The following ATR variants were observed in gnomAD, a reference collection of about 807,000 sequenced individuals.
ATR encodes the protein ATR checkpoint kinase.
In ATR, 142 loss-of-function variants were observed where a neutral mutation model predicts 305.3. The observed-to-expected ratio is 0.47, with a 90% confidence interval of 0.41 to 0.53. The LOEUF (loss-of-function observed/expected upper bound fraction) is 0.53, where lower values mean the gene tolerates loss of function less well. Among genes scored for constraint, ATR ranks in the 20% least tolerant of loss-of-function variants. The pLI is 0.00. For synonymous variants in ATR, 1,050 were observed against 1,068.1 expected (o/e 0.98, Z 0.33); for missense variants, 2,135 against 3,133.1 (o/e 0.68, Z 7.60).
chr3:142,555,762 C>A (rs1433032693), intron 10 of ATR, 115 bp downstream of exon 10: 1 of 1,282,830 alleles, frequency 7.8e-7, no homozygotes, highest in African/African-American at 1.5e-5. Flanking sequence ...AGCACTGAAT[C>A]TATAAAGCAT....
rs2034774801 is a variant in ATR at position 142,558,756 on chromosome 3, G to A, written c.1753C>T (p.His585Tyr). The A allele has an allele frequency of 6.2e-7, 1 of 1,609,088 alleles. No individual in the cohort carries two copies. The highest frequency in any genetic ancestry group is 8.5e-7 in the Non-Finnish European group (1 of 1,176,638). The change falls in exon 8 of 47, where the codon CAT (histidine) becomes TAT (tyrosine). Residue 585 changes from histidine (H) to tyrosine (Y), a missense_variant. By Grantham distance (83) the His-to-Tyr change is moderately conservative (BLOSUM62 2). Coordinates refer to ENST00000350721, the MANE Select transcript of ATR (RefSeq NM_001184.4). Reference protein sequence around the residue: ...YMQVNSSFEDHILEDLCGMLS... With the variant: ...YMQVNSSFEDYILEDLCGMLS... The stretch of plus-strand genomic sequence containing the variant: ...ATACCACATAAATCTTCCAGGATAT[G>A]ATCTTCAAATGAACTGTTTACTACA...
At chr3:142,481,867 G>T (rs1308729439) in intron 36 of ATR, among the ~76,000 whole-genome samples, 1 of 151,428 alleles carries the variant, frequency 6.6e-6, no homozygotes, top group Non-Finnish European at 1.5e-5. Context: ...CTGTCACCCA[G>T]GCAGGAGTGC....
At position 142,558,693 on chromosome 3, in the gene ATR, C is replaced by T; in HGVS notation, c.1816G>A (p.Gly606Ser). Reference sequence around the variant, plus strand: ...GCAAATGTGGTCAACTTTAAACAGCCATCATCAGAATGGGAATAAATCCAT... The same window carrying T: ...GCAAATGTGGTCAACTTTAAACAGCTATCATCAGAATGGGAATAAATCCAT... ...LPWIYSHSDD[G>S]CLKLTTFAAN... The change falls in exon 8 of 47, where the codon GGC becomes AGC. Residue 606 changes from glycine to serine, a missense_variant. This residue lies in a region of ATR where 744 missense variants were observed against 873.2 expected (regional missense o/e 0.85). Coordinates refer to ENST00000350721, the MANE Select transcript of ATR (RefSeq NM_001184.4). 4 of 1,612,928 alleles carry T rather than the reference C, an allele frequency of 2.5e-6. No individual in the cohort carries two copies. Among genetic ancestry groups the T allele is most frequent in the Non-Finnish European group, 3.4e-6 (4 of 1,179,246 alleles).
chr3:142,470,261 AACT>A, intron 36 of ATR, 78 bp from the exon 37 acceptor site: 1 of 1,231,620 alleles, frequency 8.1e-7, no homozygotes, highest in African/African-American at 1.5e-5. Context: ...TAAAGATTCA[AACT>A]ACCACATACC....
intron 18 of ATR, among the ~76,000 whole-genome samples, chr3:142,540,538 G>A (rs112042114): frequency 0.018 from 2,726 of 152,102 alleles, 29 homozygotes; most frequent in South Asian, 0.041. Flanking sequence ...GTCCTCATCC[G>A]TTAGATACAT....
chr3:142,513,397 C>A, intron 26 of ATR, 104 bp downstream of exon 26: 3 of 1,349,898 alleles, frequency 2.2e-6, no homozygotes, highest in Non-Finnish European at 3.2e-6. Context: ...CATAGCCATA[C>A]ATAGGTCTAC....
intron 1 of ATR, 68 bp from the exon 2 acceptor site, chr3:142,568,222 T>C: frequency 2.4e-6 from 3 of 1,264,606 alleles, no homozygotes; most frequent in Non-Finnish European, 3.4e-6. Flanking sequence ...AAAATTTCTC[T>C]AAAGTAGAAC....
chr3:142,514,260 G>T (rs111686869), intron 25 of ATR, among the ~76,000 whole-genome samples: 1 of 150,522 alleles, frequency 6.6e-6, no homozygotes, highest in Admixed American at 6.6e-5. Context: ...GCGAGATTCC[G>T]TCTCAAAAAA....
At position 142,531,826 on chromosome 3, in the gene ATR, G is replaced by A. The variant is rs562506214; in HGVS notation, c.3945+3254C>T. Reference sequence around the variant, plus strand: ...TCTAGTTCTAGATCCCTGAGGAATCGCCACACTGACTTCCACAATGGTTGA... The same window carrying A: ...TCTAGTTCTAGATCCCTGAGGAATCACCACACTGACTTCCACAATGGTTGA... On this transcript the variant is annotated intron_variant, in intron 21 of 46. Transcript: ENST00000350721. Among the ~76,000 whole-genome samples, 1,185 of 152,128 alleles carry A rather than the reference G, an allele frequency of 7.8e-3. 12 individuals carry two copies. Among genetic ancestry groups the A allele is most frequent in the African/African-American group, 0.026 (1,089 of 41,486 alleles).
chr3:142,531,002 C>T lies in ATR; in HGVS notation c.3945+4078G>A, dbSNP rs986175569. On this transcript the variant is annotated intron_variant, in intron 21 of 46. Transcript: ENST00000350721. ...CTTTTTTTATACAGTCTCATCAGAA[C>T]GTACCCGCTCTCAACACCATACAAG... Among the ~76,000 whole-genome samples, 34 of 152,106 alleles carry T rather than the reference C, an allele frequency of 2.2e-4. 1 individual carries two copies. The highest frequency in any genetic ancestry group is 1.0e-4 in the Non-Finnish European group (7 of 68,008).
chr3:142,453,242 G>T lies in ATR; in HGVS notation c.7656-9C>A, dbSNP rs758923230. The T allele has an allele frequency of 4.3e-6, 7 of 1,610,366 alleles. No individual in the cohort carries two copies. Among genetic ancestry groups the T allele is most frequent in the South Asian group, 2.2e-5 (2 of 90,958 alleles). Reference sequence around the variant, plus strand: ...GAAAAGTCTTTAAGACACTAAAATTGAAACAAATATTATGGTATGATGTTA... The same window carrying T: ...GAAAAGTCTTTAAGACACTAAAATTTAAACAAATATTATGGTATGATGTTA... On this transcript the variant is annotated splice_polypyrimidine_tract_variant and intron_variant, in intron 45 of 46. Transcript: ENST00000350721.
intron 22 of ATR, among the ~76,000 whole-genome samples, chr3:142,523,098 AT>A (rs888838346): frequency 6.6e-6 from 1 of 152,082 alleles, no homozygotes; most frequent in Admixed American, 6.6e-5. Flanking sequence ...ATCTCTGACA[AT>A]TTGCATTGTT....
intron 1 of ATR, among the ~76,000 whole-genome samples, chr3:142,571,543 G>C (rs2035262291): frequency 6.6e-6 from 1 of 151,898 alleles, no homozygotes; most frequent in African/African-American, 2.4e-5. Flanking sequence ...CCCAAAGCAG[G>C]GAATGATTAA....
At chr3:142,534,135 T>C (rs1237047848) in intron 21 of ATR, among the ~76,000 whole-genome samples, 6 of 152,022 alleles carry the variant, frequency 3.9e-5, no homozygotes, top group Non-Finnish European at 1.5e-5. Context: ...TAAAAGTCCT[T>C]TGAGTTACCT....
intron 42 of ATR, among the ~76,000 whole-genome samples, chr3:142,461,210 T>A (rs1296527172): frequency 6.6e-6 from 1 of 152,158 alleles, no homozygotes; most frequent in Non-Finnish European, 1.5e-5. Context: ...ATTCTTCAAA[T>A]AACCTGTTTC....
At chr3:142,494,161 T>A (rs1403137546) in intron 34 of ATR, among the ~76,000 whole-genome samples, 1 of 152,170 alleles carries the variant, frequency 6.6e-6, no homozygotes, top group Non-Finnish European at 1.5e-5. Flanking sequence ...TTAGGTATTA[T>A]AAGTAGCCTA....
intron 2 of ATR, among the ~76,000 whole-genome samples, chr3:142,567,362 T>C (rs533558715): frequency 6.6e-6 from 1 of 152,314 alleles, no homozygotes; most frequent in African/African-American, 2.4e-5. Context: ...ATGAATACGA[T>C]ACAAAAACAC....
intron 24 of ATR, among the ~76,000 whole-genome samples, chr3:142,518,075 C>T (rs2032984028): frequency 6.6e-6 from 1 of 152,290 alleles, no homozygotes; most frequent in African/African-American, 2.4e-5. Flanking sequence ...GCCTGTGTGA[C>T]TACAAAGGTC....
chr3:142,499,765 G>A lies in ATR; in HGVS notation c.5289-47C>T, dbSNP rs2031856394. 3 of 1,498,538 alleles carry A rather than the reference G, an allele frequency of 2.0e-6. No homozygotes were observed. In the East Asian group the frequency reaches 6.8e-5, roughly 34 times the overall value. 92.8% of individuals were successfully genotyped at this position (1,498,538 alleles called of 1,614,324 possible). On this transcript the variant is annotated intron_variant, in intron 30 of 46. Transcript: ENST00000350721. Reference sequence around the variant, plus strand: ...AACTAAACTTTAATTTATTTAAGGTGACATTCAGAGATTTTTCATTGGTTT... The same window carrying A: ...AACTAAACTTTAATTTATTTAAGGTAACATTCAGAGATTTTTCATTGGTTT...
Sources: gnomAD v4.1 joint callset for allele counts (sites outside exome capture counted in the v4.1 genomes callset) on GRCh38, gnomAD v4.1.1 for gene constraint, gnomAD v4.1.1 regional missense constraint, MANE v1.5 for transcripts, NCBI Gene and HGNC (gene_info 2026-07-23, HGNC 2026-07-21) for gene names.